PTPRD: variants seen among roughly 807,000 people sequenced by gnomAD.
The protein encoded by PTPRD is protein tyrosine phosphatase receptor type D, also known as receptor-type tyrosine-protein phosphatase delta.
A neutral mutation model predicts 214.5 loss-of-function variants in PTPRD; 34 were observed. That is an observed-to-expected ratio of 0.16 (90% CI 0.12 to 0.21). The LOEUF (loss-of-function observed/expected upper bound fraction) is 0.21. Ranked by LOEUF, PTPRD falls within the 10% of genes least tolerant of loss-of-function variation. The probability of loss-of-function intolerance (pLI) is 1.00; values close to 1 mark genes in which losing one functional copy is unlikely to be tolerated. For synonymous variants in PTPRD, 1,128 were observed against 845.7 expected, an observed-to-expected ratio of 1.33 and a Z score of -5.79; for missense variants, 2,545 against 2,398.7, an observed-to-expected ratio of 1.06 and a Z score of -1.27.
At position 9,662,735 on chromosome 9, in the gene PTPRD, C is replaced by T. The variant is rs561527925; in HGVS notation, c.-287+71798G>A. The stretch of plus-strand genomic sequence containing the variant: ...AACACATATCTACTGAAGGCTTGTC[C>T]GTTTTTAGAATTACATAAATTAATC... On this transcript the variant is annotated intron_variant, in intron 7 of 45. Coordinates refer to ENST00000381196, the MANE Select transcript of PTPRD (RefSeq NM_002839.4). 3.4e-4 allele frequency among the ~76,000 whole-genome samples: 51 copies of T among 151,626 alleles called. 1 individual carries two copies. Among genetic ancestry groups the T allele is most frequent in the South Asian group, 1.2e-3 (6 of 4,826 alleles).
rs2049285581 is a variant in PTPRD, at chr9:10,514,358, AATATG to A, written c.-600+98035_-600+98039del. Among the ~76,000 whole-genome samples, 3 of 151,776 alleles carry A rather than the reference AATATG, an allele frequency of 2.0e-5. No individual in the cohort carries two copies. In the South Asian group the frequency reaches 6.2e-4, roughly 32 times the overall value. On this transcript the variant is annotated intron_variant, in intron 2 of 45. Transcript: ENST00000381196. ...TTACATTTAGAACTTTGATTGATAA[AATATG>A]ATATGATCATTAGCAGTCTTTAACA...
intron 2 of PTPRD, among the ~76,000 whole-genome samples, chr9:10,429,819 ATAT>A (rs1193680448): frequency 2.6e-5 from 4 of 151,970 alleles, no homozygotes; most frequent in African/African-American, 9.7e-5. Flanking sequence ...TGAATACATC[ATAT>A]TAATTGTTTT....
At chr9:9,688,210 C>T (rs143206181) in intron 7 of PTPRD, among the ~76,000 whole-genome samples, 4 of 151,840 alleles carry the variant, frequency 2.6e-5, no homozygotes, top group East Asian at 3.9e-4. Context: ...AGTGTATAAA[C>T]GGACTAATAA....
chr9:10,593,814 G>GA (rs1465083033), intron 2 of PTPRD, among the ~76,000 whole-genome samples: 3 of 151,780 alleles, frequency 2.0e-5, no homozygotes, highest in Non-Finnish European at 4.4e-5. Context: ...TTGTAACCTT[G>GA]AAAAAAATGT....
intron 4 of PTPRD, among the ~76,000 whole-genome samples, chr9:9,985,382 T>A (rs973549470): frequency 1.3e-5 from 2 of 152,224 alleles, no homozygotes; most frequent in African/African-American, 4.8e-5. Flanking sequence ...TTTAGACCTC[T>A]CCATTCTTTG....
At chr9:9,558,592 G>A (rs568066655) in intron 8 of PTPRD, among the ~76,000 whole-genome samples, 4 of 152,268 alleles carry the variant, frequency 2.6e-5, no homozygotes, top group African/African-American at 7.2e-5. Flanking sequence ...TGAGCACGCA[G>A]GCCTGTTACA....
At chr9:9,276,319 C>G (rs1398619424) in intron 9 of PTPRD, among the ~76,000 whole-genome samples, 1 of 151,294 alleles carries the variant, frequency 6.6e-6, no homozygotes, top group Non-Finnish European at 1.5e-5. Context: ...TGTATAATTG[C>G]TCTTTATTAC....
At chr9:8,451,871 T>C (rs1472635193) in intron 33 of PTPRD, 1 of 498,848 alleles carries the variant, frequency 2.0e-6, no homozygotes, top group African/African-American at 1.9e-5. Flanking sequence ...AATATCTATC[T>C]GGGCAAGAAA....
chr9:9,638,614 A>G (rs1213832536), intron 7 of PTPRD, among the ~76,000 whole-genome samples: 3 of 152,168 alleles, frequency 2.0e-5, no homozygotes, highest in African/African-American at 7.2e-5. Flanking sequence ...GACTTCTTCC[A>G]GTATTCATAT....
Position 9,201,337 on chromosome 9 carries a change from T to G in PTPRD, c.-202-17974A>C, listed in dbSNP as rs114191142. On this transcript the variant is annotated intron_variant, in intron 9 of 45. Transcript: ENST00000381196. ...ATTTTGGTGGCAAGGTCTTTCCTATTTTTCTCGATTGAAGAAAACTGTGGA... is the reference window on the plus strand; with the variant it reads ...ATTTTGGTGGCAAGGTCTTTCCTATGTTTCTCGATTGAAGAAAACTGTGGA... Among the ~76,000 whole-genome samples, 617 of 152,290 alleles carry G rather than the reference T, an allele frequency of 4.1e-3. 4 individuals are homozygous for G. The highest frequency in any genetic ancestry group is 0.014 in the African/African-American group (594 of 41,554).
chr9:9,810,425 G>T (rs1414244949), intron 5 of PTPRD, among the ~76,000 whole-genome samples: 1 of 151,954 alleles, frequency 6.6e-6, no homozygotes, highest in Non-Finnish European at 1.5e-5. Context: ...TAATGCAGCT[G>T]GTGACCATAG....
intron 8 of PTPRD, among the ~76,000 whole-genome samples, chr9:9,434,253 T>A (rs2084315670): frequency 6.6e-6 from 1 of 152,148 alleles, no homozygotes; most frequent in African/African-American, 2.4e-5. Flanking sequence ...ATAAAAACAA[T>A]CTTAACCTTA....
intron 9 of PTPRD, among the ~76,000 whole-genome samples, chr9:9,326,166 G>C (rs987064567): frequency 6.6e-6 from 1 of 152,138 alleles, no homozygotes; most frequent in African/African-American, 2.4e-5. Context: ...CACAGAGAAA[G>C]TGTGACTTAA....
intron 3 of PTPRD, among the ~76,000 whole-genome samples, chr9:10,262,017 C>A (rs1252570090): frequency 2.0e-5 from 3 of 151,918 alleles, no homozygotes; most frequent in Non-Finnish European, 4.4e-5. Context: ...TTGATTGCCC[C>A]ACAATCAAAG....
intron 39 of PTPRD, among the ~76,000 whole-genome samples, chr9:8,344,591 C>A (rs866292494): frequency 2.5e-4 from 38 of 152,112 alleles, no homozygotes; most frequent in Admixed American, 1.3e-4. Context: ...ATATTGTTAA[C>A]TGCCCAATCC....
At chr9:8,680,698 A>G (rs889059971) in intron 12 of PTPRD, among the ~76,000 whole-genome samples, 2 of 152,248 alleles carry the variant, frequency 1.3e-5, no homozygotes, top group Non-Finnish European at 2.9e-5. Flanking sequence ...ACATACACAC[A>G]TAAATACATA....
chr9:8,910,753 T>G (rs944970557), intron 11 of PTPRD, among the ~76,000 whole-genome samples: 1 of 152,220 alleles, frequency 6.6e-6, no homozygotes, highest in African/African-American at 2.4e-5. Context: ...AAAACAAATT[T>G]ATCAAGATTA....
rs185929318 is a variant in PTPRD, at chr9:9,994,694, T to G, written c.-472+39024A>C. The stretch of plus-strand genomic sequence containing the variant: ...GAGTTTATACTCAATAAAGACCATG[T>G]GCATCTTAAACAATCACAAAACATA... On this transcript the variant is annotated intron_variant, in intron 4 of 45. Coordinates refer to ENST00000381196, the MANE Select transcript of PTPRD (RefSeq NM_002839.4). Among the ~76,000 whole-genome samples the G allele has an allele frequency of 3.3e-5, 5 of 152,268 alleles. No homozygotes were observed. The East Asian group carries it at 9.6e-4, about 29-fold the overall frequency.
At chr9:10,030,293 G>A (rs981719233) in intron 4 of PTPRD, among the ~76,000 whole-genome samples, 2 of 136,066 alleles carry the variant, frequency 1.5e-5, no homozygotes, top group Admixed American at 7.4e-5. Context: ...GTTTCTTTTG[G>A]GGAAACTGGG....
Sources: allele counts gnomAD v4.1 joint callset (sites outside exome capture counted in the v4.1 genomes callset), GRCh38; gene constraint gnomAD v4.1.1; transcripts MANE v1.5; gene names NCBI Gene and HGNC (gene_info 2026-07-23, HGNC 2026-07-21).